Variants in LIMK2 observed in about 807,000 individuals in gnomAD.
LIMK2 encodes LIM domain kinase 2.
Under a neutral mutation model 75.7 loss-of-function variants are expected in LIMK2, and 35 were observed. The observed-to-expected ratio is 0.46, with a 90% CI of 0.35 to 0.61. LIMK2 has a LOEUF of 0.61. Ranked by LOEUF, LIMK2 falls within the 20% of genes least tolerant of loss-of-function variation. The pLI is 0.00. For synonymous variants in LIMK2, 301 were observed against 319.2 expected (o/e 0.94, Z 0.61); for missense variants, 623 against 831.0 (o/e 0.75, Z 3.08).
chr22:31,222,630 C>G (rs1454769768), intron 1 of LIMK2: 1 of 152,066 alleles, frequency 6.6e-6, no homozygotes, highest in African/African-American at 2.4e-5. Context: ...CCACCTTGGC[C>G]TCCCAAGACA....
At chr22:31,277,320 T>A in intron 15 of LIMK2, 1 of 1,440,022 alleles carries the variant, frequency 6.9e-7, no homozygotes, top group Non-Finnish European at 9.1e-7. Context: ...TGGATTTTTT[T>A]ATTGTTATTA....
At chr22:31,277,029 C>T in intron 15 of LIMK2, 2 of 1,613,938 alleles carry the variant, frequency 1.2e-6, no homozygotes, top group Non-Finnish European at 1.7e-6. Context: ...CCTGGGCTTC[C>T]AGGGTCAAGG....
intron 1 of LIMK2, among the ~76,000 whole-genome samples, chr22:31,214,686 A>AG (rs1215419456): frequency 6.6e-6 from 1 of 152,156 alleles, no homozygotes; most frequent in African/African-American, 2.4e-5. Context: ...CTGGCAAAAA[A>AG]AGCTCACAGA....
intron 7 of LIMK2, among the ~76,000 whole-genome samples, chr22:31,263,706 T>A (rs902813242): frequency 1.3e-5 from 2 of 152,158 alleles, no homozygotes; most frequent in African/African-American, 4.8e-5. Context: ...TAATTGTTTT[T>A]AATTAGATGG....
chr22:31,221,944 G>C (rs2048437886), intron 1 of LIMK2, among the ~76,000 whole-genome samples: 1 of 152,194 alleles, frequency 6.6e-6, no homozygotes, highest in South Asian at 2.1e-4. Flanking sequence ...GCAATAAGCA[G>C]TTACTGTTAC....
chr22:31,265,418 G>A (rs1284992900), intron 7 of LIMK2, among the ~76,000 whole-genome samples: 1 of 151,212 alleles, frequency 6.6e-6, no homozygotes, highest in Non-Finnish European at 1.5e-5. Context: ...CATGCCTGTA[G>A]TCCCAGTTAC....
intron 7 of LIMK2, among the ~76,000 whole-genome samples, chr22:31,263,852 A>C (rs1601435595): frequency 1.3e-5 from 2 of 152,106 alleles, no homozygotes; most frequent in Non-Finnish European, 2.9e-5. Flanking sequence ...TTAACTGGGC[A>C]TGGTGGCACA....
Position 31,212,414 on chromosome 22 carries a change from C to T in LIMK2, c.6C>T (p.Ser2=), listed in dbSNP as rs145674338. The change falls in exon 1 of 16, where the codon TCC becomes TCT. Residue 2 remains serine (S), a synonymous_variant. Coordinates refer to ENST00000331728, the MANE Select transcript of LIMK2 (RefSeq NM_005569.4). ...ATTTCCGCGCTCCCGGGACCATGTCCGCGCTGGCGGGTAAGGAAGGGCTGC... is the reference window on the plus strand; with the variant it reads ...ATTTCCGCGCTCCCGGGACCATGTCTGCGCTGGCGGGTAAGGAAGGGCTGC... M[S]ALAGEDVWRC... is the part of the protein sequence containing the mutation. 231 of 1,336,890 alleles carry T rather than the reference C, an allele frequency of 1.7e-4. No homozygotes were observed. In the African/African-American group the frequency reaches 3.0e-3, roughly 18 times the overall value. 82.8% of individuals were successfully genotyped at this position (1,336,890 alleles called of 1,614,324 possible). A position where few individuals can be genotyped will look rare whatever the true frequency, so the allele number is the denominator to read the frequency against.
At chr22:31,220,153 C>G (rs867410833) in intron 1 of LIMK2, among the ~76,000 whole-genome samples, 51 of 152,122 alleles carry the variant, frequency 3.4e-4, no homozygotes, top group African/African-American at 1.1e-3. Context: ...CTAAAGAAGT[C>G]AAGAGTGTTC....
rs115847103 is a variant in LIMK2, at chr22:31,212,356, G to A, written c.-53G>A. 9.8e-6 allele frequency: 13 copies of A among 1,327,396 alleles called. No homozygotes were observed. Among genetic ancestry groups the A allele is most frequent in the Non-Finnish European group, 1.3e-5 (13 of 1,030,342 alleles). 82.2% of individuals were successfully genotyped at this position (1,327,396 alleles called of 1,614,324 possible). A position where few individuals can be genotyped will look rare whatever the true frequency, so the allele number is the denominator to read the frequency against. On this transcript the variant is annotated 5_prime_UTR_variant, in exon 1 of 16. Transcript: ENST00000331728. The stretch of plus-strand genomic sequence containing the variant: ...CTGAGGGGAGTTGTAGGGAACTGAG[G>A]GGAGCTGCTGTGTCCCCCGCCTCCT...
intron 2 of LIMK2, among the ~76,000 whole-genome samples, chr22:31,250,150 G>C (rs1424295593): frequency 6.6e-6 from 1 of 152,142 alleles, no homozygotes; most frequent in Non-Finnish European, 1.5e-5. Context: ...GTGTGGCTGA[G>C]ATTGTTTTCT....
intron 7 of LIMK2, among the ~76,000 whole-genome samples, chr22:31,265,346 A>G (rs893614788): frequency 1.3e-5 from 2 of 152,066 alleles, no homozygotes; most frequent in South Asian, 4.2e-4. Context: ...AGCCTGGGCG[A>G]CAGAGCGAGA....
chr22:31,212,566 C>A, intron 1 of LIMK2, 142 bp downstream of exon 1: 1 of 774,700 alleles, frequency 1.3e-6, no homozygotes, highest in Non-Finnish European at 1.8e-6. Context: ...AGCTGGGAGG[C>A]GGGGTGGGCA....
intron 9 of LIMK2, among the ~76,000 whole-genome samples, 155 bp from the exon 10 acceptor site, chr22:31,267,621 T>G (rs768720911): frequency 6.6e-6 from 1 of 152,232 alleles, no homozygotes. Context: ...GGTGGTGGTC[T>G]TCCCTCATCC....
At chr22:31,237,862 T>C (rs900235572) in intron 2 of LIMK2, among the ~76,000 whole-genome samples, 1 of 151,720 alleles carries the variant, frequency 6.6e-6, no homozygotes, top group Non-Finnish European at 1.5e-5. Context: ...CCCAGCACTT[T>C]GGGAGGCCGA....
Position 31,262,345 on chromosome 22 carries a change from G to C in LIMK2, c.657+106G>C, listed in dbSNP as rs2048849568. 1 of 972,618 alleles carries C rather than the reference G, an allele frequency of 1.0e-6. No homozygotes were observed. Among genetic ancestry groups the C allele is most frequent in the Non-Finnish European group, 1.6e-6 (1 of 617,560 alleles). 60.2% of individuals were successfully genotyped at this position (972,618 alleles called of 1,614,324 possible). A position where few individuals can be genotyped will look rare whatever the true frequency, so the allele number is the denominator to read the frequency against. ...TTTCCTACCCCCAGCCCATCTCTTT[G>C]TCTTAGCATTGAGCCTGTGACCACT... On this transcript the variant is annotated intron_variant, in intron 6 of 15. Coordinates refer to ENST00000331728, the MANE Select transcript of LIMK2 (RefSeq NM_005569.4). This position sits in a 1 kb window ranked among gnomAD's most constrained non-coding sequence, Gnocchi z 5.0.
intron 2 of LIMK2, among the ~76,000 whole-genome samples, chr22:31,242,527 ATT>A (rs1196190592): frequency 3.3e-5 from 5 of 152,092 alleles, no homozygotes; most frequent in Non-Finnish European, 2.9e-5. Flanking sequence ...GTGCCAACAT[ATT>A]TTCTTTTTTC....
In LIMK2 at chr22:31,221,012, A is replaced by G. The variant is rs568985732; in HGVS notation, c.17-4708A>G. ...ATTAAGGGAAAAGATAGAGAAGCTT[A>G]TACATAGAGAATAACTGGAGGTGTG... On this transcript the variant is annotated intron_variant, in intron 1 of 15. Transcript: ENST00000331728. Among the ~76,000 whole-genome samples the G allele has an allele frequency of 5.9e-5, 9 of 152,304 alleles. No individual in the cohort carries two copies. In the East Asian group the frequency reaches 1.7e-3, roughly 29 times the overall value.
chr22:31,216,543 C>T (rs934987075), intron 1 of LIMK2, among the ~76,000 whole-genome samples: 1 of 152,044 alleles, frequency 6.6e-6, no homozygotes, highest in African/African-American at 2.4e-5. Flanking sequence ...TATAGTGGGC[C>T]CTGAGATGAG....
Sources: allele counts gnomAD v4.1 joint callset (sites outside exome capture counted in the v4.1 genomes callset), GRCh38; gene constraint gnomAD v4.1.1; non-coding constraint Gnocchi (gnomAD v3.1); transcripts MANE v1.5; gene names NCBI Gene and HGNC (gene_info 2026-07-23, HGNC 2026-07-21).